NOS1AP: variants seen among roughly 807,000 people sequenced by gnomAD.
NOS1AP encodes the protein carboxyl-terminal PDZ ligand of neuronal nitric oxide synthase protein.
In NOS1AP, 21 loss-of-function variants were observed where a neutral mutation model predicts 56.2. The observed-to-expected ratio is 0.37, with a 90% CI of 0.26 to 0.54. The LOEUF (loss-of-function observed/expected upper bound fraction) is 0.54. Ranked by LOEUF, NOS1AP falls within the 20% of genes least tolerant of loss-of-function variation. NOS1AP has a pLI of 0.84. For missense variants in NOS1AP, 522 were observed against 657.8 expected (o/e 0.79, Z 2.26); for synonymous variants, 270 against 274.6 (o/e 0.98, Z 0.17).
chr1:162,247,835 A>G (rs1256096892), intron 2 of NOS1AP, among the ~76,000 whole-genome samples: 2 of 152,220 alleles, frequency 1.3e-5, no homozygotes, highest in Non-Finnish European at 2.9e-5. Flanking sequence ...ATTCCTGCAC[A>G]TGATCTGATG....
At chr1:162,283,691 G>T (rs1047882239) in intron 2 of NOS1AP, among the ~76,000 whole-genome samples, 5 of 152,158 alleles carry the variant, frequency 3.3e-5, no homozygotes, top group African/African-American at 9.7e-5. Flanking sequence ...AGGTCCCAAG[G>T]CTCTATTTGT....
At chr1:162,315,857 AG>A (rs1656211557) in intron 4 of NOS1AP, among the ~76,000 whole-genome samples, 1 of 152,156 alleles carries the variant, frequency 6.6e-6, no homozygotes, top group Non-Finnish European at 1.5e-5. Flanking sequence ...GATCTAATTA[AG>A]GTTTGTCCTT....
At chr1:162,109,759 A>G (rs1009535557) in intron 1 of NOS1AP, among the ~76,000 whole-genome samples, 2 of 151,936 alleles carry the variant, frequency 1.3e-5, no homozygotes, top group Admixed American at 1.3e-4. Flanking sequence ...TCCTAGAGGG[A>G]AACAGAATGC....
intron 1 of NOS1AP, among the ~76,000 whole-genome samples, chr1:162,140,874 G>T (rs1021162411): frequency 6.6e-6 from 1 of 152,118 alleles, no homozygotes; most frequent in East Asian, 1.9e-4. Context: ...CTGTGGTTTC[G>T]ATTCGCATTT....
chr1:162,144,184 C>T (rs1035671175), intron 1 of NOS1AP, among the ~76,000 whole-genome samples: 5 of 152,228 alleles, frequency 3.3e-5, no homozygotes, highest in African/African-American at 1.2e-4. Context: ...ACACAGGCAT[C>T]CTCATCTAGC....
At chr1:162,219,928 G>T (rs1652713579) in intron 2 of NOS1AP, among the ~76,000 whole-genome samples, 1 of 152,136 alleles carries the variant, frequency 6.6e-6, no homozygotes, top group African/African-American at 2.4e-5. Context: ...CTTTTCTGTT[G>T]TGTGTGTGGT....
chr1:162,325,520 C>T (rs931846065), intron 4 of NOS1AP, among the ~76,000 whole-genome samples: 1 of 152,128 alleles, frequency 6.6e-6, no homozygotes, highest in African/African-American at 2.4e-5. Flanking sequence ...TCCCCAGTCC[C>T]TCTAAGGATA....
At chr1:162,226,938 C>A (rs1367105340) in intron 2 of NOS1AP, among the ~76,000 whole-genome samples, 1 of 151,682 alleles carries the variant, frequency 6.6e-6, no homozygotes, top group Non-Finnish European at 1.5e-5. Context: ...TTTAAATCCC[C>A]AGAGGGCCAG....
intron 1 of NOS1AP, among the ~76,000 whole-genome samples, chr1:162,072,538 T>C (rs1337129180): frequency 7.9e-5 from 12 of 152,096 alleles, no homozygotes; most frequent in Non-Finnish European, 1.2e-4. Context: ...AAATGAGAAA[T>C]AGGGGACCAA....
At chr1:162,289,673 G>C (rs769764782) in intron 3 of NOS1AP, among the ~76,000 whole-genome samples, 4 of 151,710 alleles carry the variant, frequency 2.6e-5, no homozygotes, top group Non-Finnish European at 4.4e-5. Flanking sequence ...ACAGGGTTTC[G>C]CCATGGTGGC....
At position 162,341,960 on chromosome 1, in the gene NOS1AP, T is replaced by C. The variant is rs553670103; in HGVS notation, c.454-1875T>C. Reference sequence around the variant, plus strand: ...TTGTGTGTTTTGGGAGTGGGAAGTGTAGGGGCTTCTTGCTTAGGACTGATG... The same window carrying C: ...TTGTGTGTTTTGGGAGTGGGAAGTGCAGGGGCTTCTTGCTTAGGACTGATG... On this transcript the variant is annotated intron_variant, in intron 5 of 9. Coordinates refer to ENST00000361897, the MANE Select transcript of NOS1AP (RefSeq NM_014697.3). 5.2e-4 allele frequency among the ~76,000 whole-genome samples: 79 copies of C among 152,288 alleles called. 1 individual carries two copies. In the Middle Eastern group the frequency reaches 0.017, roughly 33 times the overall value.
intron 2 of NOS1AP, among the ~76,000 whole-genome samples, chr1:162,286,256 T>C (rs1003741016): frequency 6.6e-6 from 1 of 152,220 alleles, no homozygotes; most frequent in Non-Finnish European, 1.5e-5. Context: ...AGATGCACTG[T>C]CAAGGTGTTA....
At chr1:162,094,385 A>T (rs1692194347) in intron 1 of NOS1AP, among the ~76,000 whole-genome samples, 2 of 152,246 alleles carry the variant, frequency 1.3e-5, no homozygotes, top group South Asian at 4.1e-4. Flanking sequence ...TCTGATTGAA[A>T]TGTTGGTGGT....
intron 1 of NOS1AP, among the ~76,000 whole-genome samples, chr1:162,079,623 T>C (rs1327440996): frequency 2.6e-5 from 4 of 152,314 alleles, no homozygotes; most frequent in African/African-American, 7.2e-5. Flanking sequence ...TCATACTTCG[T>C]AGGGTTAATG....
chr1:162,098,261 C>T (rs1692294392), intron 1 of NOS1AP, among the ~76,000 whole-genome samples: 2 of 65,592 alleles, frequency 3.0e-5, no homozygotes, highest in Non-Finnish European at 6.6e-5. Context: ...CGTGCACCAC[C>T]ATGCCCGGCT....
chr1:162,106,133 C>A (rs1647498619), intron 1 of NOS1AP, among the ~76,000 whole-genome samples: 1 of 152,184 alleles, frequency 6.6e-6, no homozygotes, highest in African/African-American at 2.4e-5. Flanking sequence ...ATGAGGGGAT[C>A]TCCTGATACG....
chr1:162,327,189 G>GT (rs1237788507), intron 4 of NOS1AP, among the ~76,000 whole-genome samples: 3 of 152,128 alleles, frequency 2.0e-5, no homozygotes, highest in Non-Finnish European at 4.4e-5. Flanking sequence ...AACTGTCTTG[G>GT]TTTTTTTCTT....
rs1655877558 is a variant in NOS1AP at position 162,307,574 on chromosome 1, C to T, written c.344+6868C>T. 1.3e-5 allele frequency among the ~76,000 whole-genome samples: 2 copies of T among 152,124 alleles called. 1 individual carries two copies. The highest frequency in any genetic ancestry group is 4.1e-4 in the South Asian group (2 of 4,828). On this transcript the variant is annotated intron_variant, in intron 4 of 9. Coordinates refer to ENST00000361897, the MANE Select transcript of NOS1AP (RefSeq NM_014697.3). Reference sequence around the variant, plus strand: ...ATCCCAGCACTTTGGGAGGCTGAGGCAGGCGGATCACGAGGTCAGGAGATC... The same window carrying T: ...ATCCCAGCACTTTGGGAGGCTGAGGTAGGCGGATCACGAGGTCAGGAGATC...
At chr1:162,163,912 G>T (rs1043542991) in intron 2 of NOS1AP, among the ~76,000 whole-genome samples, 1 of 152,166 alleles carries the variant, frequency 6.6e-6, no homozygotes, top group Non-Finnish European at 1.5e-5. Context: ...GGAGGAGTTT[G>T]GTTCTGCTCT....
Sources: gnomAD v4.1 joint callset for allele counts (sites outside exome capture counted in the v4.1 genomes callset) on GRCh38, gnomAD v4.1.1 for gene constraint, MANE v1.5 for transcripts, NCBI Gene and HGNC (gene_info 2026-07-23, HGNC 2026-07-21) for gene names.